PALLD: variants seen among roughly 807,000 people sequenced by gnomAD.
PALLD encodes palladin, cytoskeletal associated protein, also known as palladin.
A neutral mutation model predicts 123.5 loss-of-function variants in PALLD; 61 were observed. That is an observed-to-expected ratio of 0.49 (90% CI 0.40 to 0.61). PALLD has a LOEUF of 0.61. Among genes scored for constraint, PALLD ranks in the 20% least tolerant of loss-of-function variants. The probability of loss-of-function intolerance (pLI) is 0.00; values close to 1 mark genes in which losing one functional copy is unlikely to be tolerated. For missense variants in PALLD, 1,273 were observed against 1,377.0 expected, an observed-to-expected ratio of 0.92 and a Z score of 1.20; for synonymous variants, 465 against 496.4, an observed-to-expected ratio of 0.94 and a Z score of 0.84.
intron 10 of PALLD, among the ~76,000 whole-genome samples, chr4:168,872,427 T>G (rs1208062903): frequency 6.6e-6 from 1 of 152,216 alleles, no homozygotes; most frequent in African/African-American, 2.4e-5. Context: ...TCAGAATGCA[T>G]TAAAGGTCAA....
At chr4:168,568,894 G>A (rs901277322) in intron 2 of PALLD, among the ~76,000 whole-genome samples, 1 of 151,814 alleles carries the variant, frequency 6.6e-6, no homozygotes, top group African/African-American at 2.4e-5. Context: ...TGTGTGAGTT[G>A]TTCTATATTT....
At chr4:168,652,081 C>T (rs1778094731) in intron 2 of PALLD, among the ~76,000 whole-genome samples, 1 of 152,054 alleles carries the variant, frequency 6.6e-6, no homozygotes, top group South Asian at 2.1e-4. Flanking sequence ...GGGCAGATGT[C>T]GCTTGTGAAG....
intron 2 of PALLD, among the ~76,000 whole-genome samples, chr4:168,574,334 A>T (rs1013637480): frequency 6.6e-6 from 1 of 152,088 alleles, no homozygotes; most frequent in Non-Finnish European, 1.5e-5. Context: ...AAGAAAGAAA[A>T]TGCTCACACA....
chr4:168,744,910 G>A (rs769211509), intron 10 of PALLD, among the ~76,000 whole-genome samples: 6 of 152,100 alleles, frequency 3.9e-5, no homozygotes, highest in Non-Finnish European at 2.9e-5. Context: ...TATGATGTTC[G>A]GTAGGTTAGG....
At chr4:168,834,186 T>C (rs1199596361) in intron 10 of PALLD, among the ~76,000 whole-genome samples, 1 of 151,686 alleles carries the variant, frequency 6.6e-6, no homozygotes, top group African/African-American at 2.4e-5. Context: ...GTGAGGAGCA[T>C]GGGGGATGGT....
At chr4:168,628,959 T>C (rs1403387026) in intron 2 of PALLD, among the ~76,000 whole-genome samples, 1 of 151,994 alleles carries the variant, frequency 6.6e-6, no homozygotes, top group Non-Finnish European at 1.5e-5. Flanking sequence ...GACTATAAAG[T>C]GTATATGTAT....
intron 10 of PALLD, among the ~76,000 whole-genome samples, chr4:168,768,568 G>A (rs915868509): frequency 6.6e-6 from 1 of 152,202 alleles, no homozygotes; most frequent in African/African-American, 2.4e-5. Context: ...TATTAAAATT[G>A]TTTTTATTCA....
chr4:168,663,447 G>A (rs114311627), intron 2 of PALLD, among the ~76,000 whole-genome samples: 242 of 152,282 alleles, frequency 1.6e-3, no homozygotes, highest in African/African-American at 5.5e-3. Flanking sequence ...GGCTGTTTCT[G>A]GTTGTCTGGT....
rs1762761914 is a variant in PALLD at position 168,927,942 on chromosome 4, T to C, written c.*1762T>C. The stretch of plus-strand genomic sequence containing the variant: ...TTATTTATAAGTGGCCTCTCTTAGC[T>C]CAGTTACTCAATTCATACGTAGTAT... On this transcript the variant is annotated 3_prime_UTR_variant, in exon 22 of 22. Coordinates refer to ENST00000505667, the MANE Select transcript of PALLD (RefSeq NM_001166108.2). 5.0e-6 allele frequency: 1 copy of C among 199,720 alleles called. No homozygotes were observed. The allele number at this position is 199,720 out of a possible 1,614,324, so 12.4% of individuals were successfully genotyped here.
chr4:168,644,690 C>T (rs369281837), intron 2 of PALLD, among the ~76,000 whole-genome samples: 2 of 152,166 alleles, frequency 1.3e-5, no homozygotes, highest in African/African-American at 4.8e-5. Context: ...CACCATCATT[C>T]GTGATAACTC....
chr4:168,877,758 T>G (rs1178003217), intron 10 of PALLD: 3 of 1,178,730 alleles, frequency 2.5e-6, no homozygotes, highest in Admixed American at 9.3e-5. Flanking sequence ...CAGAACCAAA[T>G]CCGACTGGAG....
intron 16 of PALLD, 100 bp from the exon 17 acceptor site, chr4:168,915,795 C>A: frequency 1.1e-6 from 1 of 896,454 alleles, no homozygotes; most frequent in Non-Finnish European, 1.8e-6. Context: ...ATAAGGAAAT[C>A]ATATTATTAC....
chr4:168,912,995 A>G (rs370160485), intron 15 of PALLD, among the ~76,000 whole-genome samples: 1 of 152,256 alleles, frequency 6.6e-6, no homozygotes, highest in East Asian at 1.9e-4. Flanking sequence ...CTAGTTTTTA[A>G]ATCTCAAATA....
At chr4:168,657,769 G>A (rs138454256) in intron 2 of PALLD, among the ~76,000 whole-genome samples, 4 of 152,292 alleles carry the variant, frequency 2.6e-5, no homozygotes, top group African/African-American at 9.6e-5. Context: ...CACATGTACA[G>A]TAAGGAGCAG....
intron 2 of PALLD, among the ~76,000 whole-genome samples, chr4:168,523,470 A>C (rs2149461084): frequency 6.6e-6 from 1 of 152,322 alleles, no homozygotes; most frequent in African/African-American, 2.4e-5. Context: ...GTGGACATCT[A>C]GGGAGATGAG....
At chr4:168,726,241 T>G (rs967290913) in intron 10 of PALLD, among the ~76,000 whole-genome samples, 1 of 152,218 alleles carries the variant, frequency 6.6e-6, no homozygotes, top group South Asian at 2.1e-4. Context: ...CTAAAAACTG[T>G]CAGAAGTTTC....
intron 2 of PALLD, among the ~76,000 whole-genome samples, chr4:168,585,472 C>G (rs4571294): frequency 0.19 from 29,159 of 152,100 alleles, 2,850 homozygotes; most frequent in East Asian, 0.33. Flanking sequence ...CTCCTCCCAC[C>G]TCTCTCTACT....
chr4:168,573,514 G>A (rs935134885), intron 2 of PALLD, among the ~76,000 whole-genome samples: 1 of 152,116 alleles, frequency 6.6e-6, no homozygotes, highest in African/African-American at 2.4e-5. Context: ...TAAGAAGATT[G>A]ATGGTCATGT....
At chr4:168,528,730 G>T (rs1295774125) in intron 2 of PALLD, among the ~76,000 whole-genome samples, 2 of 152,162 alleles carry the variant, frequency 1.3e-5, no homozygotes, top group Non-Finnish European at 1.5e-5. Flanking sequence ...TTGAAGTGGT[G>T]CTTGACTTAT....
Sources: allele counts gnomAD v4.1 joint callset (sites outside exome capture counted in the v4.1 genomes callset), GRCh38; gene constraint gnomAD v4.1.1; transcripts MANE v1.5; gene names NCBI Gene and HGNC (gene_info 2026-07-23, HGNC 2026-07-21).